The following EEFSEC variants were observed in gnomAD, a reference collection of about 807,000 sequenced individuals.
EEFSEC encodes the protein selenocysteine-specific elongation factor.
EEFSEC carries 43 observed loss-of-function variants against 42.1 expected under a neutral mutation model. The ratio of observed to expected loss-of-function variants is 1.02; its 90% CI spans 0.80 to 1.32. EEFSEC has a LOEUF of 1.32. Among genes scored for constraint, EEFSEC ranks in the 40% most tolerant of loss-of-function variants. EEFSEC has a pLI of 0.00. For missense variants in EEFSEC, 745 were observed against 803.6 expected, an observed-to-expected ratio of 0.93 and a Z score of 0.88; for synonymous variants, 354 against 339.1, an observed-to-expected ratio of 1.04 and a Z score of -0.48.
intron 1 of EEFSEC, among the ~76,000 whole-genome samples, chr3:128,191,153 A>G (rs1032676907): frequency 1.3e-5 from 2 of 152,240 alleles, no homozygotes; most frequent in Non-Finnish European, 2.9e-5. Context: ...ATGGTTGTAT[A>G]CCAACATAGC....
rs565336599 is a variant in EEFSEC, at chr3:128,318,225, G to A, written c.787-23008G>A. On this transcript the variant is annotated intron_variant, in intron 4 of 6. Transcript: ENST00000254730. ...GGGGGTTAGAAAGGGTTCAGCCAAT[G>A]CCCGGAACATAGTTGTTGCTCGACT... is the stretch of plus-strand genomic sequence containing the variant. Among the ~76,000 whole-genome samples the A allele has an allele frequency of 1.3e-3, 203 of 152,390 alleles. 2 individuals are homozygous for A. The highest frequency in any genetic ancestry group is 4.5e-3 in the African/African-American group (188 of 41,600).
intron 1 of EEFSEC, among the ~76,000 whole-genome samples, chr3:128,159,153 G>A (rs1944433529): frequency 6.6e-6 from 1 of 152,196 alleles, no homozygotes. Flanking sequence ...TGCCTGCTCG[G>A]GCCCAGGCCT....
intron 4 of EEFSEC, among the ~76,000 whole-genome samples, chr3:128,326,633 C>G (rs2067066844): frequency 6.6e-6 from 1 of 152,232 alleles, no homozygotes; most frequent in Non-Finnish European, 1.5e-5. Flanking sequence ...TCCATTTCCT[C>G]CTCTCAGCCC....
At chr3:128,344,637 T>A (rs976553131) in intron 5 of EEFSEC, among the ~76,000 whole-genome samples, 2 of 152,310 alleles carry the variant, frequency 1.3e-5, no homozygotes, top group East Asian at 3.9e-4. Context: ...GCCCAGTGTG[T>A]CAAAAGAGTC....
chr3:128,414,063 C>G, the EEFSEC span, among the ~76,000 whole-genome samples: 1 of 152,272 alleles, frequency 6.6e-6, no homozygotes, highest in Non-Finnish European at 1.5e-5. Context: ...GCCATCACTT[C>G]CTCTGCCTCT....
At chr3:128,196,226 A>T (rs1359182699) in intron 1 of EEFSEC, among the ~76,000 whole-genome samples, 1 of 152,258 alleles carries the variant, frequency 6.6e-6, no homozygotes, top group Non-Finnish European at 1.5e-5. Context: ...GAGCCAAATG[A>T]AATTATTCGT....
chr3:128,257,015 T>C (rs1489799196), intron 2 of EEFSEC, among the ~76,000 whole-genome samples: 1 of 152,106 alleles, frequency 6.6e-6, no homozygotes, highest in Non-Finnish European at 1.5e-5. Context: ...AAAGTGCTGG[T>C]ATTACAGGTG....
In EEFSEC at chr3:128,334,021, G is replaced by A. The variant is rs139702538; in HGVS notation, c.787-7212G>A. 2.6e-3 allele frequency among the ~76,000 whole-genome samples: 395 copies of A among 152,294 alleles called. 1 individual carries two copies. Among genetic ancestry groups the A allele is most frequent in the African/African-American group, 8.7e-3 (362 of 41,548 alleles). ...GGAAACATGGGAGGTTGGGAGGGAG[G>A]GATGCAGCTGAGAGTTAGCTCTGAA... On this transcript the variant is annotated intron_variant, in intron 4 of 6. Transcript: ENST00000254730.
intron 6 of EEFSEC, 89 bp from the exon 7 acceptor site, chr3:128,407,980 G>T: frequency 7.9e-7 from 1 of 1,263,976 alleles, no homozygotes; most frequent in South Asian, 1.5e-5. Flanking sequence ...GGCAGAAGAG[G>T]GGTGAGTCTA....
chr3:128,259,048 A>G (rs1380406149), intron 2 of EEFSEC, among the ~76,000 whole-genome samples: 1 of 152,216 alleles, frequency 6.6e-6, no homozygotes, highest in East Asian at 1.9e-4. Flanking sequence ...ACCCTCTTCT[A>G]TGAAATAGGG....
At chr3:128,266,474 A>AC (rs1172845685) in intron 4 of EEFSEC, among the ~76,000 whole-genome samples, 2 of 151,748 alleles carry the variant, frequency 1.3e-5, no homozygotes, top group Non-Finnish European at 2.9e-5. Context: ...TGAGGTTTCA[A>AC]CCCCCCAGCT....
At chr3:128,387,440 A>G (rs1010786) in intron 6 of EEFSEC, among the ~76,000 whole-genome samples, 138,578 of 152,280 alleles carry the variant, frequency 0.91, 63,229 homozygotes, top group East Asian at 0.98. Context: ...CCAGGCTCGC[A>G]AAAGTCGTGA....
At chr3:128,219,990 C>T (rs2065846495) in intron 1 of EEFSEC, among the ~76,000 whole-genome samples, 1 of 152,164 alleles carries the variant, frequency 6.6e-6, no homozygotes, top group African/African-American at 2.4e-5. Context: ...ATGGTAAACT[C>T]TTTGCATTTG....
chr3:128,252,453 G>C (rs986549988), intron 2 of EEFSEC, among the ~76,000 whole-genome samples: 5 of 152,172 alleles, frequency 3.3e-5, no homozygotes, highest in Admixed American at 6.5e-5. Context: ...TGGATATGTA[G>C]GAATAATAGC....
intron 4 of EEFSEC, among the ~76,000 whole-genome samples, chr3:128,334,362 A>G (rs2067167123): frequency 6.6e-6 from 1 of 152,188 alleles, no homozygotes; most frequent in East Asian, 1.9e-4. Flanking sequence ...TCAATCACTC[A>G]GGAGCCACAG....
intron 6 of EEFSEC, among the ~76,000 whole-genome samples, chr3:128,365,077 G>A (rs957136379): frequency 3.3e-5 from 5 of 152,342 alleles, no homozygotes; most frequent in African/African-American, 9.6e-5. Context: ...GTAGCCCGTG[G>A]CCCCTGTGCT....
At chr3:128,208,612 C>T (rs2065724783) in intron 1 of EEFSEC, among the ~76,000 whole-genome samples, 1 of 152,206 alleles carries the variant, frequency 6.6e-6, no homozygotes, top group African/African-American at 2.4e-5. Context: ...CCTCAGTGAG[C>T]TCCACATAGG....
rs1419567717 is a variant in EEFSEC at position 128,253,528 on chromosome 3, G to C, written c.524+6485G>C. Among the ~76,000 whole-genome samples the C allele has an allele frequency of 2.0e-5, 3 of 152,186 alleles. No individual in the cohort carries two copies. The East Asian group carries it at 5.8e-4, about 29-fold the overall frequency. ...ACCACCAAGCTTGGTGCCTGGTACA[G>C]AGCAGGTCGCAGAGAAGTCTGAGTT... is the stretch of plus-strand genomic sequence containing the variant. On this transcript the variant is annotated intron_variant, in intron 2 of 6. Coordinates refer to ENST00000254730, the MANE Select transcript of EEFSEC (RefSeq NM_021937.5).
intron 1 of EEFSEC, among the ~76,000 whole-genome samples, chr3:128,169,901 C>A (rs1308604400): frequency 6.6e-6 from 1 of 152,224 alleles, no homozygotes; most frequent in Non-Finnish European, 1.5e-5. Context: ...CTTCATGCTT[C>A]CCTCCATCCC....
Sources: allele counts gnomAD v4.1 joint callset (sites outside exome capture counted in the v4.1 genomes callset), GRCh38; gene constraint gnomAD v4.1.1; transcripts MANE v1.5; gene names NCBI Gene and HGNC (gene_info 2026-07-23, HGNC 2026-07-21).